Variants in ARAP2 observed in about 807,000 individuals in gnomAD.
ARAP2 encodes the protein ArfGAP with RhoGAP domain, ankyrin repeat and PH domain 2.
In ARAP2, 148 loss-of-function variants were observed where a neutral mutation model predicts 194.5. The observed-to-expected ratio is 0.76, with a 90% CI of 0.67 to 0.87. ARAP2 has a LOEUF of 0.87. Among genes scored for constraint, ARAP2 ranks in the 40% least tolerant of loss-of-function variants. ARAP2 has a pLI of 0.00. For missense variants in ARAP2, 2,128 were observed against 1,989.7 expected (o/e 1.07, Z -1.32); for synonymous variants, 695 against 683.5 (o/e 1.02, Z -0.26).
At chr4:36,230,468 A>G (rs1751227389) in intron 1 of ARAP2, among the ~76,000 whole-genome samples, 3 of 152,280 alleles carry the variant, frequency 2.0e-5, no homozygotes, top group Non-Finnish European at 1.5e-5. Flanking sequence ...CTGAATAATC[A>G]GCTAATTCTT....
At chr4:36,144,560 A>G (rs535654645) in intron 19 of ARAP2, among the ~76,000 whole-genome samples, 55 of 151,998 alleles carry the variant, frequency 3.6e-4, no homozygotes, top group African/African-American at 1.3e-3. Context: ...AGTCCTAATT[A>G]CGCCTAGAAG....
chr4:36,031,807 T>C (rs1193877481), intron 5 of ARAP2, among the ~76,000 whole-genome samples: 2 of 152,094 alleles, frequency 1.3e-5, no homozygotes, highest in Non-Finnish European at 2.9e-5. Flanking sequence ...TAGCTGGGAT[T>C]ACAGGCGCCC....
intron 2 of ARAP2, among the ~76,000 whole-genome samples, chr4:36,223,357 TTTA>T: frequency 6.6e-6 from 1 of 152,088 alleles, no homozygotes; most frequent in Admixed American, 6.6e-5. Flanking sequence ...CTATGTCGAT[TTTA>T]TTATTTTTAA....
intron 26 of ARAP2, among the ~76,000 whole-genome samples, chr4:36,109,459 A>G (rs1340357489): frequency 1.3e-5 from 2 of 151,934 alleles, no homozygotes; most frequent in Non-Finnish European, 2.9e-5. Context: ...AATCAAAAAA[A>G]CATATTAACA....
rs943791744 is a variant in ARAP2, at chr4:36,089,696, C to T, written c.4425+2185G>A. Among the ~76,000 whole-genome samples, 6 of 152,028 alleles carry T rather than the reference C, an allele frequency of 3.9e-5. No individual in the cohort carries two copies. In the East Asian group the frequency reaches 1.2e-3, roughly 29 times the overall value. On this transcript the variant is annotated intron_variant, in intron 28 of 32. Transcript: ENST00000303965. ...TCCCGATTATTAATGATATTGAACA[C>T]TTTTGAATCAATGGGTTATTGGACA...
intron 6 of ARAP2, among the ~76,000 whole-genome samples, chr4:36,198,214 G>C (rs1350688736): frequency 6.6e-6 from 1 of 152,182 alleles, no homozygotes; most frequent in Non-Finnish European, 1.5e-5. Context: ...GCAGAGGGTA[G>C]GCCCTGGCCA....
chr4:36,199,832 G>A (rs984072230), intron 6 of ARAP2, among the ~76,000 whole-genome samples: 2 of 152,148 alleles, frequency 1.3e-5, no homozygotes, highest in African/African-American at 4.8e-5. Flanking sequence ...CATCTGAAGT[G>A]TTCTTATCAC....
At chr4:36,093,312 G>C (rs1224463594) in intron 27 of ARAP2, among the ~76,000 whole-genome samples, 1 of 151,918 alleles carries the variant, frequency 6.6e-6, no homozygotes, top group Non-Finnish European at 1.5e-5. Flanking sequence ...CATGACCCAA[G>C]TTTACCTATG....
At chr4:36,193,508 A>C (rs947599524) in intron 7 of ARAP2, 70 bp downstream of exon 7, 4 of 1,060,334 alleles carry the variant, frequency 3.8e-6, no homozygotes, top group Non-Finnish European at 4.1e-6. Flanking sequence ...CTTAAAAACC[A>C]AACTGCTTGC....
chr4:36,070,136 T>G (rs937622716), intron 32 of ARAP2, among the ~76,000 whole-genome samples: 1 of 152,170 alleles, frequency 6.6e-6, no homozygotes, highest in Middle Eastern at 3.2e-3. Flanking sequence ...AATGAGGGAA[T>G]AGACTAATAC....
chr4:36,105,551 G>A (rs1266653393), intron 27 of ARAP2, among the ~76,000 whole-genome samples: 5 of 151,938 alleles, frequency 3.3e-5, no homozygotes, highest in African/African-American at 7.2e-5. Flanking sequence ...GGAACATCAC[G>A]AAAACACCAA....
chr4:36,103,311 T>C (rs1717526938), intron 27 of ARAP2, among the ~76,000 whole-genome samples: 1 of 151,764 alleles, frequency 6.6e-6, no homozygotes, highest in Admixed American at 6.6e-5. Context: ...TTCATTCTCA[T>C]GTATCATATT....
chr4:36,105,655 T>A (rs1469002206), intron 27 of ARAP2, among the ~76,000 whole-genome samples: 1 of 150,924 alleles, frequency 6.6e-6, no homozygotes, highest in Non-Finnish European at 1.5e-5. Flanking sequence ...TACCCAGATA[T>A]GACTGCTCTA....
intron 21 of ARAP2, among the ~76,000 whole-genome samples, chr4:36,128,264 G>A (rs548108912): frequency 6.6e-6 from 1 of 152,008 alleles, no homozygotes; most frequent in East Asian, 1.9e-4. Context: ...AGCAAAGTAT[G>A]CACTAAGAAA....
At chr4:36,141,145 A>G (rs1728219080) in intron 19 of ARAP2, among the ~76,000 whole-genome samples, 1 of 151,710 alleles carries the variant, frequency 6.6e-6, no homozygotes, top group Admixed American at 6.6e-5. Context: ...CATTTCAGTC[A>G]AAGTGATGAT....
At chr4:36,233,936 T>A (rs1751974329) in intron 1 of ARAP2, among the ~76,000 whole-genome samples, 1 of 152,242 alleles carries the variant, frequency 6.6e-6, no homozygotes, top group African/African-American at 2.4e-5. Flanking sequence ...TAGAGTGTTG[T>A]CCTAGTCCGT....
At chr4:36,128,475 T>TACACACACACACACACAC in intron 21 of ARAP2, 58 bp downstream of exon 21, 2 of 256,432 alleles carry the variant, frequency 7.8e-6, no homozygotes, top group South Asian at 2.9e-4. Context: ...TGGTCTATAT[T>TACACACACACACACACAC]ATACACACAC....
At chr4:36,063,778 T>G (rs1271459437), downstream of ARAP2, among the ~76,000 whole-genome samples, 1 of 152,212 alleles carries the variant, frequency 6.6e-6, no homozygotes, top group Non-Finnish European at 1.5e-5. Context: ...AGTTTGGGGT[T>G]GGTTACAAGT....
exon 7 of ARAP2, chr4:36,015,940 C>T (rs1006522799): frequency 6.6e-6 from 1 of 152,106 alleles, no homozygotes; most frequent in Non-Finnish European, 1.5e-5. Context: ...ACCAGCAATT[C>T]CGCTTCCATG....
Sources: allele counts gnomAD v4.1 joint callset (sites outside exome capture counted in the v4.1 genomes callset), GRCh38; gene constraint gnomAD v4.1.1; transcripts MANE v1.5; gene names NCBI Gene and HGNC (gene_info 2026-07-23, HGNC 2026-07-21).